Variants in CACNA1C observed in about 807,000 individuals in gnomAD.
The protein encoded by CACNA1C is voltage-dependent L-type calcium channel subunit alpha-1C.
CACNA1C carries 30 observed loss-of-function variants against 229.0 expected under a neutral mutation model. The ratio of observed to expected loss-of-function variants is 0.13; its 90% CI spans 0.10 to 0.18. The LOEUF (loss-of-function observed/expected upper bound fraction) is 0.18. CACNA1C is among the 10% of genes least tolerant of loss of function. CACNA1C has a pLI of 1.00. For synonymous variants in CACNA1C, 1,114 were observed against 1,132.5 expected (o/e 0.98, Z 0.33); for missense variants, 1,658 against 2,845.0 (o/e 0.58, Z 9.49).
At chr12:2,235,707 G>A (rs111635356) in intron 3 of CACNA1C, among the ~76,000 whole-genome samples, 1 of 152,232 alleles carries the variant, frequency 6.6e-6, no homozygotes, top group South Asian at 2.1e-4. Context: ...AAGCAGGGCC[G>A]TGTCTGATGT....
At chr12:2,161,883 A>G (rs2095875614) in intron 3 of CACNA1C, among the ~76,000 whole-genome samples, 1 of 152,124 alleles carries the variant, frequency 6.6e-6, no homozygotes, top group African/African-American at 2.4e-5. Flanking sequence ...TGAAAGAGTG[A>G]TGTTTGGAAG....
chr12:2,500,436 G>A (rs896229829), intron 7 of CACNA1C, among the ~76,000 whole-genome samples: 1 of 152,194 alleles, frequency 6.6e-6, no homozygotes, highest in African/African-American at 2.4e-5. Flanking sequence ...TTTTCTGTGA[G>A]GTTAAATGTT....
chr12:2,414,254 C>A (rs1230870022), intron 3 of CACNA1C, among the ~76,000 whole-genome samples: 1 of 152,238 alleles, frequency 6.6e-6, no homozygotes, highest in East Asian at 1.9e-4. Context: ...TCTCTGTATT[C>A]TCCTCACTCC....
intron 3 of CACNA1C, among the ~76,000 whole-genome samples, chr12:2,250,655 C>A (rs1032933790): frequency 6.6e-6 from 1 of 152,190 alleles, no homozygotes; most frequent in African/African-American, 2.4e-5. Flanking sequence ...AATCCAGTGA[C>A]CTCCCAACCC....
At position 2,643,572 on chromosome 12, in the gene CACNA1C, A is replaced by G. The variant is rs193107915; in HGVS notation, c.3913-4903A>G. On this transcript the variant is annotated intron_variant, in intron 30 of 46. Transcript: ENST00000399655. ...TCAGCTTTAGAAGGCTTGCAGCTTA[A>G]AACATGTTTGCCTTTGGCCTCCTTA... 4.3e-4 allele frequency among the ~76,000 whole-genome samples: 65 copies of G among 152,290 alleles called. 1 individual carries two copies. The highest frequency in any genetic ancestry group is 4.2e-3 in the Admixed American group (65 of 15,302).
intron 12 of CACNA1C, among the ~76,000 whole-genome samples, 170 bp from the exon 13 acceptor site, chr12:2,567,399 G>A (rs1205304719): frequency 2.6e-5 from 4 of 152,220 alleles, no homozygotes; most frequent in Non-Finnish European, 5.9e-5. Context: ...TGACGAGAGA[G>A]CCCTTTCCCA....
chr12:2,208,915 T>C (rs2097841116), intron 3 of CACNA1C, among the ~76,000 whole-genome samples: 1 of 152,206 alleles, frequency 6.6e-6, no homozygotes, highest in African/African-American at 2.4e-5. Context: ...ACCTGACCAC[T>C]CTAATGATTC....
At chr12:1,991,666 T>C (rs2039462473) in intron 1 of CACNA1C, 1 of 175,054 alleles carries the variant, frequency 5.7e-6, no homozygotes. Flanking sequence ...ACTATCATAG[T>C]GGACAGCACA....
Position 2,029,321 on chromosome 12 carries a change from A to G in CACNA1C, c.139+58120A>G, listed in dbSNP as rs2047841203. Reference sequence around the variant, plus strand: ...TTCACATAAAATTAACCTGTGTACAATGTGAAATCCAGAGCTATGTAACAC... The same window carrying G: ...TTCACATAAAATTAACCTGTGTACAGTGTGAAATCCAGAGCTATGTAACAC... On this transcript the variant is annotated intron_variant, in intron 1 of 46. Coordinates refer to the CACNA1C transcript ENST00000682462. This position sits in a 1 kb window ranked among gnomAD's most constrained non-coding sequence, Gnocchi z 4.9. Among the ~76,000 whole-genome samples, 1 of 152,172 alleles carries G rather than the reference A, an allele frequency of 6.6e-6. No homozygotes were observed. The highest frequency in any genetic ancestry group is 1.5e-5 in the Non-Finnish European group (1 of 68,028).
chr12:2,127,908 A>C (rs905353551), intron 3 of CACNA1C, among the ~76,000 whole-genome samples: 1 of 152,228 alleles, frequency 6.6e-6, no homozygotes, highest in African/African-American at 2.4e-5. Flanking sequence ...AGTGACCACC[A>C]GGTACCAGAG....
intron 3 of CACNA1C, among the ~76,000 whole-genome samples, chr12:2,136,852 A>G (rs553511384): frequency 2.6e-5 from 4 of 151,586 alleles, no homozygotes; most frequent in Non-Finnish European, 5.9e-5. Flanking sequence ...TCCTAAATAG[A>G]TGAGAATCTC....
intron 1 of CACNA1C, among the ~76,000 whole-genome samples, chr12:2,032,408 A>C (rs909427139): frequency 6.9e-6 from 1 of 144,084 alleles, no homozygotes; most frequent in African/African-American, 2.7e-5. Flanking sequence ...TGGCACACAT[A>C]GAGAATGGAC....
At chr12:2,175,083 A>G (rs2096608043) in intron 3 of CACNA1C, among the ~76,000 whole-genome samples, 1 of 150,860 alleles carries the variant, frequency 6.6e-6, no homozygotes, top group South Asian at 2.2e-4. Context: ...GTACTTTGGC[A>G]TGCATCTCTA....
At chr12:2,379,763 G>A (rs1020900643) in intron 3 of CACNA1C, among the ~76,000 whole-genome samples, 1 of 152,044 alleles carries the variant, frequency 6.6e-6, no homozygotes, top group African/African-American at 2.4e-5. Context: ...CGGGCGCGGT[G>A]GCTCACGCCT....
chr12:2,668,616 A>C, intron 37 of CACNA1C: 1 of 269,712 alleles, frequency 3.7e-6, no homozygotes, highest in Non-Finnish European at 7.1e-6. Context: ...ATCATGGTGG[A>C]AGGCAAAGGG....
At position 2,400,438 on chromosome 12, in the gene CACNA1C, G is replaced by C. The variant is rs367636517; in HGVS notation, c.478-48538G>C. 1.7e-4 allele frequency among the ~76,000 whole-genome samples: 26 copies of C among 152,252 alleles called. No homozygotes were observed. The East Asian group carries it at 2.5e-3, about 15-fold the overall frequency. ...AGTTCTCATTAGGGTCAAAGCATGCGATCAGAGTCAGAGGCTGGGTTTGAG... is the reference window on the plus strand; with the variant it reads ...AGTTCTCATTAGGGTCAAAGCATGCCATCAGAGTCAGAGGCTGGGTTTGAG... On this transcript the variant is annotated intron_variant, in intron 3 of 46. Coordinates refer to ENST00000399655, the MANE Select transcript of CACNA1C (RefSeq NM_000719.7).
chr12:2,243,905 T>C (rs1438237044), intron 3 of CACNA1C, among the ~76,000 whole-genome samples: 2 of 152,192 alleles, frequency 1.3e-5, no homozygotes, highest in African/African-American at 4.8e-5. Context: ...ATTAAGATAA[T>C]AAAGACAACT....
chr12:2,563,219 T>C (rs1388598330), intron 11 of CACNA1C, among the ~76,000 whole-genome samples: 2 of 152,352 alleles, frequency 1.3e-5, no homozygotes, highest in African/African-American at 4.8e-5. Context: ...TTTCATTCTT[T>C]TTTATAGCTG....
intron 3 of CACNA1C, among the ~76,000 whole-genome samples, chr12:2,308,097 G>A (rs1390417086): frequency 6.6e-6 from 1 of 152,184 alleles, no homozygotes; most frequent in East Asian, 1.9e-4. Flanking sequence ...CCAAAACTGT[G>A]TAATTATAGG....
Sources: allele counts gnomAD v4.1 joint callset (sites outside exome capture counted in the v4.1 genomes callset), GRCh38; gene constraint gnomAD v4.1.1; non-coding constraint Gnocchi (gnomAD v3.1); transcripts MANE v1.5; gene names NCBI Gene and HGNC (gene_info 2026-07-23, HGNC 2026-07-21).